RTF2: variants seen among roughly 807,000 people sequenced by gnomAD.
RTF2 encodes the protein replication termination factor 2, also known as UPF0549 protein C20orf43.
Under a neutral mutation model 38.0 loss-of-function variants are expected in RTF2, and 18 were observed. That is an observed-to-expected ratio of 0.47 (90% CI 0.33 to 0.70). RTF2 has a LOEUF of 0.70. RTF2 is among the 30% of genes least tolerant of loss of function. RTF2 has a pLI of 0.02. For missense variants in RTF2, 311 were observed against 379.6 expected, an observed-to-expected ratio of 0.82 and a Z score of 1.50; for synonymous variants, 126 against 137.1, an observed-to-expected ratio of 0.92 and a Z score of 0.57.
intron 5 of RTF2, among the ~76,000 whole-genome samples, chr20:56,503,610 T>C (rs1984064810): frequency 6.6e-6 from 1 of 152,206 alleles, no homozygotes; most frequent in Non-Finnish European, 1.5e-5. Context: ...ATTTCAAATA[T>C]TACTCATATT....
chr20:56,472,625 G>A (rs1242905353), intron 1 of RTF2, among the ~76,000 whole-genome samples: 1 of 151,236 alleles, frequency 6.6e-6, no homozygotes, highest in Non-Finnish European at 1.5e-5. Flanking sequence ...AAATTCTGCC[G>A]CAACTTAGCA....
intron 5 of RTF2, among the ~76,000 whole-genome samples, chr20:56,501,610 C>T (rs1983931948): frequency 6.6e-6 from 1 of 152,148 alleles, no homozygotes; most frequent in Admixed American, 6.5e-5. Flanking sequence ...GTCCTATTTT[C>T]CTTGTGTATT....
At chr20:56,501,860 G>A (rs747018980) in intron 5 of RTF2, among the ~76,000 whole-genome samples, 1 of 152,088 alleles carries the variant, frequency 6.6e-6, no homozygotes, top group Non-Finnish European at 1.5e-5. Context: ...CAGAGTGAGT[G>A]AGACCCTATC....
chr20:56,503,412 A>G (rs1399436279), intron 5 of RTF2, among the ~76,000 whole-genome samples: 1 of 152,266 alleles, frequency 6.6e-6, no homozygotes, highest in African/African-American at 2.4e-5. Context: ...CTAGTTTACA[A>G]AATGAGAGCT....
rs879897473 is a variant in RTF2 at position 56,468,638 on chromosome 20, C to T, written c.-60C>T. 8.8e-6 allele frequency: 13 copies of T among 1,478,606 alleles called. No homozygotes were observed. The East Asian group carries it at 2.0e-4, about 23-fold the overall frequency. 91.6% of individuals were successfully genotyped at this position (1,478,606 alleles called of 1,614,324 possible). A position where few individuals can be genotyped will look rare whatever the true frequency, so the allele number is the denominator to read the frequency against. ...CGCCGGAAGTGGCTGCGGATTTCGC[C>T]GGAAATCCCGGAAGTGACAGCTTTG... is the stretch of plus-strand genomic sequence containing the variant. On this transcript the variant is annotated 5_prime_UTR_variant, in exon 1 of 9. Transcript: ENST00000357348.
At position 56,518,378 on chromosome 20, in the gene RTF2, A is replaced by G. The variant is rs1453913499; in HGVS notation, c.*113A>G. ...TGTTCTCTCTATAGTTCTGTGTCAT[A>G]AAGCTGTCCTGGCCAGCCTTCAAGC... On this transcript the variant is annotated 3_prime_UTR_variant, in exon 9 of 9. Coordinates refer to ENST00000357348, the MANE Select transcript of RTF2 (RefSeq NM_016407.5). 4 of 1,123,992 alleles carry G rather than the reference A, an allele frequency of 3.6e-6. No homozygotes were observed. Among genetic ancestry groups the G allele is most frequent in the Non-Finnish European group, 5.0e-6 (4 of 797,246 alleles). The allele number at this position is 1,123,992 out of a possible 1,614,324, so 69.6% of individuals were successfully genotyped here. A position where few individuals can be genotyped will look rare whatever the true frequency, so the allele number is the denominator to read the frequency against.
chr20:56,471,187 C>G (rs1487873651), intron 1 of RTF2, among the ~76,000 whole-genome samples: 1 of 152,162 alleles, frequency 6.6e-6, no homozygotes, highest in Admixed American at 6.5e-5. Context: ...TGGCTGCTAT[C>G]AGAGAATTGG....
chr20:56,475,489 T>C (rs1017164171), intron 3 of RTF2, among the ~76,000 whole-genome samples: 12 of 152,242 alleles, frequency 7.9e-5, no homozygotes, highest in Admixed American at 5.2e-4. Context: ...TAGGATATGT[T>C]CATTTCAGGC....
chr20:56,480,376 C>T (rs1169191920), intron 4 of RTF2, among the ~76,000 whole-genome samples: 1 of 152,188 alleles, frequency 6.6e-6, no homozygotes, highest in Non-Finnish European at 1.5e-5. Context: ...TAGGGCCTTG[C>T]TCTGGGTTAG....
chr20:56,517,348 G>A (rs998789712), intron 8 of RTF2, 147 bp downstream of exon 8: 26 of 656,596 alleles, frequency 4.0e-5, no homozygotes, highest in Non-Finnish European at 6.7e-5. Flanking sequence ...TCTCTTTAGG[G>A]GGGTAACTAA....
intron 4 of RTF2, 71 bp downstream of exon 4, chr20:56,477,195 C>T (rs892419315): frequency 1.3e-6 from 2 of 1,570,386 alleles, no homozygotes; most frequent in African/African-American, 1.4e-5. Flanking sequence ...GGCAGTGGTG[C>T]CGGAGCTTAG....
intron 4 of RTF2, among the ~76,000 whole-genome samples, chr20:56,481,640 C>T (rs1040523018): frequency 6.6e-6 from 1 of 151,964 alleles, no homozygotes; most frequent in African/African-American, 2.4e-5. Context: ...TATACACACA[C>T]GTATGTATAT....
At chr20:56,508,648 T>C (rs756741269) in intron 5 of RTF2, among the ~76,000 whole-genome samples, 2 of 152,154 alleles carry the variant, frequency 1.3e-5, no homozygotes, top group Non-Finnish European at 2.9e-5. Context: ...CTAATCAAGA[T>C]AGTGTGGTGC....
chr20:56,515,657 CAGACAG>C (rs1400195459), intron 6 of RTF2: 1 of 127,680 alleles, frequency 7.8e-6, no homozygotes, highest in Admixed American at 8.3e-5. Flanking sequence ...GATTCTGTCT[CAGACAG>C]AGACACACAC....
chr20:56,488,731 A>C (rs1193644755), intron 5 of RTF2, among the ~76,000 whole-genome samples: 1 of 152,204 alleles, frequency 6.6e-6, no homozygotes, highest in Non-Finnish European at 1.5e-5. Flanking sequence ...AAACTTTCAC[A>C]TGTTCATTTT....
chr20:56,499,801 G>C (rs1983809756), intron 5 of RTF2, among the ~76,000 whole-genome samples: 1 of 151,610 alleles, frequency 6.6e-6, no homozygotes, highest in Non-Finnish European at 1.5e-5. Context: ...AAGTGGCGCA[G>C]TCTCAGCTCA....
At chr20:56,512,764 T>C (rs1984759215) in intron 5 of RTF2, among the ~76,000 whole-genome samples, 1 of 152,046 alleles carries the variant, frequency 6.6e-6, no homozygotes, top group South Asian at 2.1e-4. Flanking sequence ...TGTAGCAGAG[T>C]CTGGAGGAAT....
intron 5 of RTF2, chr20:56,495,104 A>T: frequency 1.2e-6 from 1 of 841,732 alleles, no homozygotes; most frequent in Non-Finnish European, 1.9e-6. Context: ...ATTACTTTAA[A>T]CATGATCCTC....
Position 56,518,404 on chromosome 20 carries a change from T to C in RTF2, c.*139T>C. 1.2e-6 allele frequency: 1 copy of C among 830,844 alleles called. No homozygotes were observed. The highest frequency in any genetic ancestry group is 2.8e-5 in the East Asian group (1 of 36,024). The allele number at this position is 830,844 out of a possible 1,614,324, so 51.5% of individuals were successfully genotyped here. A position where few individuals can be genotyped will look rare whatever the true frequency, so the allele number is the denominator to read the frequency against. Reference sequence around the variant, plus strand: ...AAGCTGTCCTGGCCAGCCTTCAAGCTGGTGTGGCCACTCTTGATGTGAGGC... The same window carrying C: ...AAGCTGTCCTGGCCAGCCTTCAAGCCGGTGTGGCCACTCTTGATGTGAGGC... On this transcript the variant is annotated 3_prime_UTR_variant, in exon 9 of 9. Coordinates refer to ENST00000357348, the MANE Select transcript of RTF2 (RefSeq NM_016407.5).
Sources: gnomAD v4.1 joint callset for allele counts (sites outside exome capture counted in the v4.1 genomes callset) on GRCh38, gnomAD v4.1.1 for gene constraint, MANE v1.5 for transcripts, NCBI Gene and HGNC (gene_info 2026-07-23, HGNC 2026-07-21) for gene names.